Variants in RELCH observed in about 807,000 individuals in gnomAD.
RELCH encodes RAB11-binding protein RELCH.
In RELCH, 41 loss-of-function variants were observed where a neutral mutation model predicts 150.3. That is an observed-to-expected ratio of 0.27 (90% CI 0.21 to 0.35). The LOEUF (loss-of-function observed/expected upper bound fraction) is 0.35, where lower values mean the gene tolerates loss of function less well. Ranked by LOEUF, RELCH falls within the 10% of genes least tolerant of loss-of-function variation. The pLI is 1.00. For synonymous variants in RELCH, 478 were observed against 531.8 expected (o/e 0.90, Z 1.39); for missense variants, 1,092 against 1,467.8 (o/e 0.74, Z 4.18).
rs1781210748 is a variant in RELCH at position 62,293,344 on chromosome 18, A to G, written c.3459+1713A>G. 2.0e-5 allele frequency among the ~76,000 whole-genome samples: 3 copies of G among 152,162 alleles called. No homozygotes were observed. In the South Asian group the frequency reaches 6.2e-4, roughly 31 times the overall value. ...TGTAGGAGAGACCATAAGGCAGAACACTCAGGCAGGAATTGATGTTTCAGG... is the reference window on the plus strand; with the variant it reads ...TGTAGGAGAGACCATAAGGCAGAACGCTCAGGCAGGAATTGATGTTTCAGG... On this transcript the variant is annotated intron_variant, in intron 27 of 28. Transcript: ENST00000644646.
At chr18:62,205,536 C>T (rs2039724084) in intron 1 of RELCH, among the ~76,000 whole-genome samples, 1 of 152,208 alleles carries the variant, frequency 6.6e-6, no homozygotes, top group Non-Finnish European at 1.5e-5. Context: ...CATATTATTG[C>T]ACATGTCAGT....
intron 9 of RELCH, 50 bp from the exon 10 acceptor site, chr18:62,232,282 T>C (rs367908050): frequency 2.5e-6 from 3 of 1,186,776 alleles, no homozygotes; most frequent in Non-Finnish European, 3.8e-6. Context: ...CATATTATTA[T>C]GCACAGAAGT....
At chr18:62,263,080 T>TG (rs1283538265) in intron 16 of RELCH, among the ~76,000 whole-genome samples, 1 of 152,092 alleles carries the variant, frequency 6.6e-6, no homozygotes, top group Non-Finnish European at 1.5e-5. Flanking sequence ...ACATCGGTTG[T>TG]GTTGGATAAG....
intron 11 of RELCH, among the ~76,000 whole-genome samples, chr18:62,250,250 T>C (rs79120871): frequency 0.042 from 6,472 of 152,306 alleles, 161 homozygotes; most frequent in South Asian, 0.072. Flanking sequence ...GCCTAATGTT[T>C]TTTCCTATTA....
In RELCH at chr18:62,228,331, A is replaced by G. The variant is rs1488558947; in HGVS notation, c.1181A>G (p.His394Arg). 4.3e-6 allele frequency: 7 copies of G among 1,611,844 alleles called. No homozygotes were observed. In the East Asian group the frequency reaches 1.3e-4, roughly 31 times the overall value. ...KSEMDFLKNE[H>R]FAIPAVCDSV... ...GAAATGGACTTCCTCAAAAATGAAC[A>G]CTTTGCCATCCCAGCAGTTTGTGAC... Residue 394 changes from histidine (H) to arginine (R), a missense_variant, in exon 8 of 29, where the codon CAC becomes CGC. His to Arg is a conservative substitution (Grantham distance 29). Around this residue, in one of 4 missense-constraint regions of RELCH, gnomAD observed 707 missense variants for 1,025.4 expected, o/e 0.69. Transcript: ENST00000644646.
intron 1 of RELCH, among the ~76,000 whole-genome samples, chr18:62,194,363 GC>G (rs1350363926): frequency 6.6e-6 from 1 of 152,086 alleles, no homozygotes; most frequent in African/African-American, 2.4e-5. Flanking sequence ...AGAAACATTT[GC>G]CTACCCCAGA....
chr18:62,216,547 T>A (rs1451047822), intron 2 of RELCH, among the ~76,000 whole-genome samples: 1 of 152,000 alleles, frequency 6.6e-6, no homozygotes, highest in Non-Finnish European at 1.5e-5. Flanking sequence ...AGTTAATGTT[T>A]CAGATTTATC....
chr18:62,227,551 G>A (rs375860096), intron 6 of RELCH, 47 bp from the exon 7 acceptor site: 52 of 1,540,780 alleles, frequency 3.4e-5, no homozygotes, highest in African/African-American at 3.0e-4. Flanking sequence ...ATGTAAAAGC[G>A]TACAGTGAGA....
chr18:62,304,861 A>C (rs1394929894), intron 28 of RELCH, among the ~76,000 whole-genome samples: 2 of 152,198 alleles, frequency 1.3e-5, no homozygotes, highest in African/African-American at 2.4e-5. Context: ...GACATCCCCC[A>C]AAAAAGGAAT....
intron 1 of RELCH, among the ~76,000 whole-genome samples, chr18:62,208,943 C>A (rs745506057): frequency 1.3e-5 from 2 of 152,146 alleles, no homozygotes; most frequent in African/African-American, 4.8e-5. Context: ...CTAGGGGAAG[C>A]CTTTTCCAGG....
At chr18:62,298,672 A>G in intron 27 of RELCH, 118 bp from the exon 28 acceptor site, 1 of 581,932 alleles carries the variant, frequency 1.7e-6, no homozygotes, top group Non-Finnish European at 3.1e-6. Context: ...TAACTGCCAA[A>G]ACTAAATTTT....
chr18:62,191,487 CAT>C (rs1228397928), intron 1 of RELCH, among the ~76,000 whole-genome samples: 8 of 152,174 alleles, frequency 5.3e-5, no homozygotes, highest in African/African-American at 7.2e-5. Context: ...CATAGGTAGA[CAT>C]GTGTCATGGT....
intron 5 of RELCH, among the ~76,000 whole-genome samples, chr18:62,226,162 A>G (rs59771514): frequency 0.095 from 14,426 of 152,092 alleles, 2,333 homozygotes; most frequent in African/African-American, 0.33. Flanking sequence ...CTCATAGGTT[A>G]TAATCTATCA....
At position 62,291,191 on chromosome 18, in the gene RELCH, G is replaced by A. The variant is rs117042540; in HGVS notation, c.3371-352G>A. Among the ~76,000 whole-genome samples, 4 of 152,252 alleles carry A rather than the reference G, an allele frequency of 2.6e-5. No homozygotes were observed. In the East Asian group the frequency reaches 7.7e-4, roughly 29 times the overall value. On this transcript the variant is annotated intron_variant, in intron 26 of 28. Transcript: ENST00000644646. ...AGTTTTTCCCAAAACTTTCAACTTA[G>A]TTGTCATGGAAAACTTACTTTTTAT...
intron 1 of RELCH, among the ~76,000 whole-genome samples, chr18:62,197,358 G>A (rs112773640): frequency 0.044 from 6,629 of 152,224 alleles, 174 homozygotes; most frequent in South Asian, 0.072. Flanking sequence ...TCTTCAAAAT[G>A]TTTGTTAAAA....
At chr18:62,188,185 G>A (rs1408639480) in intron 1 of RELCH, among the ~76,000 whole-genome samples, 154 bp downstream of exon 1, 1 of 152,218 alleles carries the variant, frequency 6.6e-6, no homozygotes, top group South Asian at 2.1e-4. Context: ...GTGGAAGCAA[G>A]AGGATCAGGC....
At chr18:62,222,919 G>C (rs2040974049) in intron 5 of RELCH, among the ~76,000 whole-genome samples, 1 of 151,946 alleles carries the variant, frequency 6.6e-6, no homozygotes, top group African/African-American at 2.4e-5. Context: ...AAATTATGAA[G>C]TATTTTGAAC....
At chr18:62,278,785 A>G (rs754173540) in intron 22 of RELCH, among the ~76,000 whole-genome samples, 1 of 152,132 alleles carries the variant, frequency 6.6e-6, no homozygotes, top group Non-Finnish European at 1.5e-5. Context: ...GCAATTTAGC[A>G]TTGGTTGCTA....
chr18:62,274,443 TG>T (rs2044081086), intron 21 of RELCH, among the ~76,000 whole-genome samples: 1 of 152,224 alleles, frequency 6.6e-6, no homozygotes, highest in Non-Finnish European at 1.5e-5. Flanking sequence ...CTGTTTTCAC[TG>T]TTTGATTTGC....
Sources: allele counts gnomAD v4.1 joint callset (sites outside exome capture counted in the v4.1 genomes callset), GRCh38; gene constraint gnomAD v4.1.1; regional missense constraint gnomAD v4.1.1; transcripts MANE v1.5; gene names NCBI Gene and HGNC (gene_info 2026-07-23, HGNC 2026-07-21).